Variants in ADGRL2 observed in about 807,000 individuals in gnomAD.
The protein encoded by ADGRL2 is adhesion G protein-coupled receptor L2.
Under a neutral mutation model 157.4 loss-of-function variants are expected in ADGRL2, and 44 were observed. That is an observed-to-expected ratio of 0.28 (90% confidence interval 0.22 to 0.36). The LOEUF (loss-of-function observed/expected upper bound fraction) is 0.36, where lower values mean the gene tolerates loss of function less well. Among genes scored for constraint, ADGRL2 ranks in the 10% least tolerant of loss-of-function variants. The pLI is 1.00. For synonymous variants in ADGRL2, 585 were observed against 624.7 expected (o/e 0.94, Z 0.95); for missense variants, 1,510 against 1,768.9 (o/e 0.85, Z 2.63).
At chr1:81,359,766 C>T (rs1021434377) in intron 1 of ADGRL2, among the ~76,000 whole-genome samples, 1 of 151,952 alleles carries the variant, frequency 6.6e-6, no homozygotes, top group African/African-American at 2.4e-5. Context: ...ATTACCACCC[C>T]CAACCTGTTT....
rs111290913 is a variant in ADGRL2 at position 81,324,650 on chromosome 1, G to A, written c.-302+18141G>A. Among the ~76,000 whole-genome samples the A allele has an allele frequency of 2.5e-3, 378 of 152,008 alleles. 2 individuals carry two copies. Among genetic ancestry groups the A allele is most frequent in the African/African-American group, 8.6e-3 (358 of 41,490 alleles). The stretch of plus-strand genomic sequence containing the variant: ...GAGAATTTGATGATGGATTGGAAAA[G>A]AAAGTAATATGTCAAGCAAGACCCA... On this transcript the variant is annotated intron_variant, in intron 1 of 24. Coordinates refer to the ADGRL2 transcript ENST00000370721.
At chr1:81,684,683 T>C (rs538414457) in intron 3 of ADGRL2, among the ~76,000 whole-genome samples, 5 of 152,318 alleles carry the variant, frequency 3.3e-5, no homozygotes, top group Admixed American at 6.5e-5. Flanking sequence ...TGCTTTTGAG[T>C]TCTTGGTCAT....
At chr1:81,760,604 G>A (rs1391809198) in intron 1 of ADGRL2, among the ~76,000 whole-genome samples, 1 of 151,770 alleles carries the variant, frequency 6.6e-6, no homozygotes. Context: ...AAATATCAAT[G>A]TTTTCCCCTT....
upstream of ADGRL2, chr1:81,800,402 A>G (rs956745872): frequency 1.3e-5 from 2 of 152,096 alleles, no homozygotes; most frequent in Admixed American, 1.3e-4. Flanking sequence ...AGCCGCGGCG[A>G]ACAGACGTTC....
intron 12 of ADGRL2, 68 bp downstream of exon 12, chr1:81,966,251 G>A (rs1299883153): frequency 1.3e-6 from 2 of 1,597,628 alleles, no homozygotes; most frequent in East Asian, 2.3e-5. Flanking sequence ...ATTCTAAAAT[G>A]TATTTGAGTC....
rs375600655 is a variant in ADGRL2 at position 81,771,978 on chromosome 1, G to A, written c.-101+10126G>A. Among the ~76,000 whole-genome samples, 37 of 152,044 alleles carry A rather than the reference G, an allele frequency of 2.4e-4. 1 individual carries two copies. Among genetic ancestry groups the A allele is most frequent in the East Asian group, 1.7e-3 (9 of 5,154 alleles). On this transcript the variant is annotated intron_variant, in intron 2 of 20. Coordinates refer to the ADGRL2 transcript ENST00000359929. Reference sequence around the variant, plus strand: ...AAACATTTTATCCTTGGCTGGGTGCGGTGGCTTATGCCTGTAATCCCAGCA... The same window carrying A: ...AAACATTTTATCCTTGGCTGGGTGCAGTGGCTTATGCCTGTAATCCCAGCA...
chr1:81,633,890 G>A (rs558581214), intron 3 of ADGRL2, among the ~76,000 whole-genome samples: 68 of 152,170 alleles, frequency 4.5e-4, no homozygotes, highest in Non-Finnish European at 7.6e-4. Flanking sequence ...CATGATGAAG[G>A]CGGTAGTAAC....
chr1:81,691,088 C>G (rs552881696), intron 3 of ADGRL2, among the ~76,000 whole-genome samples: 1 of 152,150 alleles, frequency 6.6e-6, no homozygotes, highest in East Asian at 1.9e-4. Context: ...ATACATTGCA[C>G]GAAAATCGTA....
intron 3 of ADGRL2, among the ~76,000 whole-genome samples, chr1:81,633,036 A>G (rs1444776310): frequency 6.6e-6 from 1 of 152,198 alleles, no homozygotes; most frequent in African/African-American, 2.4e-5. Context: ...GATATACTAC[A>G]GAGGAGGTTT....
chr1:81,654,777 T>C (rs1377976593), intron 3 of ADGRL2, among the ~76,000 whole-genome samples: 1 of 152,184 alleles, frequency 6.6e-6, no homozygotes, highest in Non-Finnish European at 1.5e-5. Context: ...ATGAAGTAGA[T>C]GGCTGAATTT....
chr1:81,646,800 AGGCCCTGCCATGCCAGCCTCTCTT>A (rs1405259396), intron 3 of ADGRL2, among the ~76,000 whole-genome samples: 3 of 152,162 alleles, frequency 2.0e-5, no homozygotes, highest in African/African-American at 7.2e-5. Flanking sequence ...TGTCTGACAT[AGGCCCTGCCATGCCAGCCTCTCTT>A]GGCCTCAATT....
At chr1:81,582,637 G>A (rs2080939547) in intron 3 of ADGRL2, among the ~76,000 whole-genome samples, 1 of 151,866 alleles carries the variant, frequency 6.6e-6, no homozygotes, top group Non-Finnish European at 1.5e-5. Flanking sequence ...AACTCATTTT[G>A]GGATATGCTG....
At chr1:81,866,679 T>C (rs115170655) in intron 2 of ADGRL2, among the ~76,000 whole-genome samples, 1,601 of 152,250 alleles carry the variant, frequency 0.011, 28 homozygotes, top group African/African-American at 0.036. Flanking sequence ...TTATTGAAAA[T>C]TCTTATTGAA....
chr1:81,720,184 C>CTT lies in ADGRL2; in HGVS notation c.-143+20391_-143+20392dup, dbSNP rs112579932. Among the ~76,000 whole-genome samples, 192 of 122,052 alleles carry CTT rather than the reference C, an allele frequency of 1.6e-3. 2 individuals carry two copies. Among genetic ancestry groups the CTT allele is most frequent in the Middle Eastern group, 8.8e-3 (2 of 228 alleles). The allele number at this position is 122,052 out of a possible 152,430, so 80.1% of individuals were successfully genotyped here. ...TTAAAAGCATTCCTTTTTTTCTTTT[C>CTT]TTTTTTTTTTTTTTTTGAGACGTAA... On this transcript the variant is annotated intron_variant, in intron 1 of 20. Coordinates refer to the ADGRL2 transcript ENST00000359929.
At chr1:81,878,239 T>C (rs561441741) in intron 2 of ADGRL2, among the ~76,000 whole-genome samples, 3 of 152,256 alleles carry the variant, frequency 2.0e-5, no homozygotes, top group African/African-American at 7.2e-5. Context: ...TCCCTTAACA[T>C]ATCTAACATG....
intron 2 of ADGRL2, among the ~76,000 whole-genome samples, chr1:81,506,696 T>C (rs765668451): frequency 1.3e-5 from 2 of 151,598 alleles, no homozygotes; most frequent in Non-Finnish European, 2.9e-5. Context: ...GGTGACTGAG[T>C]GAGACCCAGT....
intron 2 of ADGRL2, among the ~76,000 whole-genome samples, chr1:81,569,648 A>C (rs965068817): frequency 1.2e-4 from 19 of 152,120 alleles, no homozygotes; most frequent in African/African-American, 4.3e-4. Context: ...TCTCTACATA[A>C]AAGAAGAAAA....
At chr1:81,692,885 G>T (rs2083371109) in intron 3 of ADGRL2, among the ~76,000 whole-genome samples, 1 of 152,086 alleles carries the variant, frequency 6.6e-6, no homozygotes, top group Non-Finnish European at 1.5e-5. Context: ...GGATGACACT[G>T]GGCCAATATT....
chr1:81,646,725 T>C (rs1408103720), intron 3 of ADGRL2, among the ~76,000 whole-genome samples: 1 of 152,164 alleles, frequency 6.6e-6, no homozygotes, highest in Non-Finnish European at 1.5e-5. Context: ...GTCTTCCTAT[T>C]TTTTCATCAG....
Sources: allele counts gnomAD v4.1 joint callset (sites outside exome capture counted in the v4.1 genomes callset), GRCh38; gene constraint gnomAD v4.1.1; transcripts MANE v1.5; gene names NCBI Gene and HGNC (gene_info 2026-07-23, HGNC 2026-07-21).